CORIN: variants seen among roughly 807,000 people sequenced by gnomAD.
CORIN encodes the protein corin, serine peptidase.
Under a neutral mutation model 125.3 loss-of-function variants are expected in CORIN, and 117 were observed. The observed-to-expected ratio is 0.93, with a 90% CI of 0.80 to 1.09. The LOEUF (loss-of-function observed/expected upper bound fraction) is 1.09. Among genes scored for constraint, CORIN ranks in the 50% least tolerant of loss-of-function variants. The pLI is 0.00. For missense variants in CORIN, 1,253 were observed against 1,306.7 expected, an observed-to-expected ratio of 0.96 and a Z score of 0.63; for synonymous variants, 450 against 466.4, an observed-to-expected ratio of 0.96 and a Z score of 0.45.
At chr4:47,712,944 A>G (rs1726916139) in intron 5 of CORIN, among the ~76,000 whole-genome samples, 1 of 152,186 alleles carries the variant, frequency 6.6e-6, no homozygotes, top group Admixed American at 6.5e-5. Context: ...AGATCACTGT[A>G]AGGTTTCCCC....
At chr4:47,777,350 T>C (rs1730344525) in intron 3 of CORIN, among the ~76,000 whole-genome samples, 1 of 152,144 alleles carries the variant, frequency 6.6e-6, no homozygotes. Context: ...ATTCAAACAC[T>C]GGCCAGGCGC....
At chr4:47,642,787 C>T (rs1723287770) in intron 15 of CORIN, 1 of 1,382,716 alleles carries the variant, frequency 7.2e-7, no homozygotes, top group Non-Finnish European at 9.5e-7. Context: ...GGCCACTTGA[C>T]TATTCTATTC....
intron 6 of CORIN, among the ~76,000 whole-genome samples, chr4:47,691,031 C>A (rs926404166): frequency 1.3e-5 from 2 of 152,212 alleles, no homozygotes; most frequent in Non-Finnish European, 2.9e-5. Context: ...TTAATAAATG[C>A]TTCAGCTCCT....
At chr4:47,808,633 A>G (rs1403203639) in intron 1 of CORIN, among the ~76,000 whole-genome samples, 1 of 152,198 alleles carries the variant, frequency 6.6e-6, no homozygotes, top group Non-Finnish European at 1.5e-5. Flanking sequence ...TTACTGATCC[A>G]TTGTACCTGG....
chr4:47,805,956 C>CT (rs1329024495), intron 2 of CORIN, among the ~76,000 whole-genome samples: 3 of 152,088 alleles, frequency 2.0e-5, no homozygotes, highest in Admixed American at 6.5e-5. Flanking sequence ...AGGTAGCCAC[C>CT]AGTGATAATA....
At chr4:47,671,280 G>C (rs546065013) in intron 10 of CORIN, among the ~76,000 whole-genome samples, 3 of 152,270 alleles carry the variant, frequency 2.0e-5, no homozygotes, top group African/African-American at 7.2e-5. Flanking sequence ...CCAGTGAGAG[G>C]CTGTCTCCAC....
chr4:47,806,507 T>C (rs1262743996), intron 2 of CORIN, among the ~76,000 whole-genome samples: 7 of 152,226 alleles, frequency 4.6e-5, no homozygotes, highest in African/African-American at 1.2e-4. Context: ...CTCTCCATGA[T>C]GCTTTCTTTG....
At chr4:47,649,884 C>A (rs1188875148) in intron 13 of CORIN, among the ~76,000 whole-genome samples, 1 of 152,238 alleles carries the variant, frequency 6.6e-6, no homozygotes, top group Non-Finnish European at 1.5e-5. Context: ...GACTCTCACT[C>A]TTCTGCTAGC....
At chr4:47,701,959 T>A (rs1170300248) in intron 5 of CORIN, among the ~76,000 whole-genome samples, 2 of 152,130 alleles carry the variant, frequency 1.3e-5, no homozygotes, top group African/African-American at 4.8e-5. Flanking sequence ...TTCAAATTTC[T>A]AAAAAACATG....
chr4:47,656,490 G>T (rs1723988012), intron 12 of CORIN, among the ~76,000 whole-genome samples: 1 of 152,036 alleles, frequency 6.6e-6, no homozygotes, highest in Non-Finnish European at 1.5e-5. Context: ...TGTAACATAT[G>T]CAAATCAATC....
chr4:47,640,704 A>C (rs1434424385), intron 16 of CORIN, among the ~76,000 whole-genome samples: 1 of 152,250 alleles, frequency 6.6e-6, no homozygotes, highest in Non-Finnish European at 1.5e-5. Flanking sequence ...AACATAAAGA[A>C]GCATATTTAA....
intron 5 of CORIN, among the ~76,000 whole-genome samples, chr4:47,714,250 T>G (rs533402671): frequency 1.3e-5 from 2 of 152,242 alleles, no homozygotes; most frequent in South Asian, 2.1e-4. Flanking sequence ...TTTATATCTT[T>G]GAATATGTAT....
At chr4:47,753,847 A>G (rs1302464945) in intron 4 of CORIN, among the ~76,000 whole-genome samples, 1 of 152,186 alleles carries the variant, frequency 6.6e-6, no homozygotes, top group Non-Finnish European at 1.5e-5. Flanking sequence ...TCTCAGTTTA[A>G]GAAGATAACA....
chr4:47,617,504 A>G (rs371232745), intron 19 of CORIN, among the ~76,000 whole-genome samples: 6 of 152,236 alleles, frequency 3.9e-5, no homozygotes, highest in South Asian at 2.1e-4. Flanking sequence ...AGGGTGACGG[A>G]AAACATTTCC....
chr4:47,730,388 G>A (rs10084792), intron 5 of CORIN, among the ~76,000 whole-genome samples: 7,743 of 149,862 alleles, frequency 0.052, 625 homozygotes, highest in African/African-American at 0.18. Context: ...CAGGAGAATC[G>A]CATGAACCCG....
intron 12 of CORIN, 47 bp downstream of exon 12, chr4:47,661,664 T>C: frequency 6.6e-7 from 1 of 1,503,952 alleles, no homozygotes; most frequent in Middle Eastern, 1.7e-4. Context: ...GTAGCTAACA[T>C]GTTCATCCAT....
At chr4:47,741,488 T>C (rs111407774) in intron 5 of CORIN, among the ~76,000 whole-genome samples, 14 of 152,024 alleles carry the variant, frequency 9.2e-5, no homozygotes, top group African/African-American at 3.4e-4. Context: ...AGGAATGGCA[T>C]TTCCTCAAAA....
chr4:47,743,887 GAA>G (rs535450519), intron 5 of CORIN, among the ~76,000 whole-genome samples: 2 of 117,286 alleles, frequency 1.7e-5, no homozygotes, highest in Non-Finnish European at 3.7e-5. Context: ...TCTGTCTCCA[GAA>G]AAAAAAAAAA....
At chr4:47,738,286 T>A (rs1224479992) in intron 5 of CORIN, among the ~76,000 whole-genome samples, 1 of 152,184 alleles carries the variant, frequency 6.6e-6, no homozygotes, top group Non-Finnish European at 1.5e-5. Context: ...TAAACTCTGC[T>A]ATAGTATTGA....
Sources: allele counts gnomAD v4.1 joint callset (sites outside exome capture counted in the v4.1 genomes callset), GRCh38; gene constraint gnomAD v4.1.1; transcripts MANE v1.5; gene names NCBI Gene and HGNC (gene_info 2026-07-23, HGNC 2026-07-21).